Variants in TUFM observed in about 807,000 individuals in gnomAD.
TUFM encodes the protein Tu translation elongation factor, mitochondrial, also known as elongation factor Tu, mitochondrial.
A neutral mutation model predicts 45.0 loss-of-function variants in TUFM; 23 were observed. That is an observed-to-expected ratio of 0.51 (90% confidence interval 0.37 to 0.72). The LOEUF is 0.72. TUFM is among the 30% of genes least tolerant of loss of function. The probability of loss-of-function intolerance (pLI) is 0.00; values close to 1 mark genes in which losing one functional copy is unlikely to be tolerated. For missense variants in TUFM, 490 were observed against 610.7 expected (o/e 0.80, Z 2.08); for synonymous variants, 243 against 252.9 (o/e 0.96, Z 0.37).
At chr16:28,843,927 C>T (rs1392691829) in intron 8 of TUFM, 23 bp downstream of exon 8, 1 of 1,614,044 alleles carries the variant, frequency 6.2e-7, no homozygotes, top group African/African-American at 1.3e-5. Flanking sequence ...TCAACCCTGC[C>T]CACCGTCACC....
Position 28,842,860 on chromosome 16 carries a change from C to G in TUFM, c.*115G>C. 7.3e-7 allele frequency: 1 copy of G among 1,378,892 alleles called. No homozygotes were observed. Among genetic ancestry groups the G allele is most frequent in the Non-Finnish European group, 1.0e-6 (1 of 972,412 alleles). 85.4% of individuals were successfully genotyped at this position (1,378,892 alleles called of 1,614,324 possible). A position where few individuals can be genotyped will look rare whatever the true frequency, so the allele number is the denominator to read the frequency against. ...CCTTCCGAGCAGGGGAAATGTCCAT[C>G]TAGCTGCCCTCTGCTGGGTTGCAGC... On this transcript the variant is annotated 3_prime_UTR_variant, in exon 10 of 10. Transcript: ENST00000313511.
At position 28,842,675 on chromosome 16, in the gene TUFM, A is replaced by C. The variant is rs3088215; in HGVS notation, c.*300T>G. 0.34 allele frequency: 150,338 copies of C among 438,128 alleles called. 27,840 individuals carry two copies. Among genetic ancestry groups the C allele is most frequent in the Admixed American group, 0.43 (12,104 of 28,314 alleles). 27.1% of individuals were successfully genotyped at this position (438,128 alleles called of 1,614,324 possible). On this transcript the variant is annotated 3_prime_UTR_variant, in exon 10 of 10. Transcript: ENST00000313511. ...TCACTAAGCTCACTGGACTTGATTT[A>C]TCCGTTAAAACTGCTCTGGGATCTC...
At position 28,846,235 on chromosome 16, in the gene TUFM, G is replaced by A; in HGVS notation, c.35C>T (p.Ala12Val). 2 of 1,571,376 alleles carry A rather than the reference G, an allele frequency of 1.3e-6. No homozygotes were observed. The highest frequency in any genetic ancestry group is 1.7e-6 in the Non-Finnish European group (2 of 1,158,782). ...CCACTCACCGCTGAAGTGGGGCGTCGCGCGCAGCAGGGTGGCGGCCGCCAT... is the reference window on the plus strand; with the variant it reads ...CCACTCACCGCTGAAGTGGGGCGTCACGCGCAGCAGGGTGGCGGCCGCCAT... ...TTMAAATLLR[A>V]TPHFSGLAAG... Residue 12 changes from alanine (A) to valine (V), a missense_variant, in exon 1 of 10, where the codon GCG becomes GTG. Ala to Val is a moderately conservative substitution (Grantham distance 64). Transcript: ENST00000313511.
intron 3 of TUFM, 39 bp downstream of exon 3, chr16:28,845,275 A>G (rs776674532): frequency 6.2e-7 from 1 of 1,613,784 alleles, no homozygotes; most frequent in East Asian, 2.2e-5. Context: ...GACAAGAGGC[A>G]GCTTCTGGCC....
chr16:28,843,273 A>T (rs1961847185), intron 9 of TUFM, 125 bp from the exon 10 acceptor site: 1 of 1,010,728 alleles, frequency 9.9e-7, no homozygotes, highest in Admixed American at 2.0e-5. Context: ...CTGCCTGGGG[A>T]CAGCTTCATC....
rs947108273 is a variant in TUFM at position 28,846,277 on chromosome 16, C to T, written c.-8G>A. The T allele has an allele frequency of 4.5e-6, 7 of 1,553,914 alleles. No homozygotes were observed. In the African/African-American group the frequency reaches 8.2e-5, roughly 18 times the overall value. ...GGCCGCCATTGTGGTCATACTCGCGCCCCGGTAACCGGGGAGCCGGGACCA... is the reference window on the plus strand; with the variant it reads ...GGCCGCCATTGTGGTCATACTCGCGTCCCGGTAACCGGGGAGCCGGGACCA... On this transcript the variant is annotated 5_prime_UTR_variant, in exon 1 of 10. Coordinates refer to ENST00000313511, the MANE Select transcript of TUFM (RefSeq NM_003321.5).
intron 1 of TUFM, 21 bp from the exon 2 acceptor site, chr16:28,846,127 A>C (rs772630425): frequency 1.2e-6 from 2 of 1,613,116 alleles, no homozygotes; most frequent in Non-Finnish European, 8.5e-7. Context: ...CGAAGCTTGG[A>C]GTCAGGCAGG....
rs1961888229 is a variant in TUFM at position 28,844,730 on chromosome 16, C to T, written c.652G>A (p.Val218Ile). Reference sequence around the variant, plus strand: ...GCACAGAGAGCAGAGCCTACGATGACTGGGGTCTCCTCCCCTTTATAGCCA... The same window carrying T: ...GCACAGAGAGCAGAGCCTACGATGATTGGGGTCTCCTCCCCTTTATAGCCA... Reference protein sequence around the residue: ...EFGYKGEETPVIVGSALCALE... With the variant: ...EFGYKGEETPIIVGSALCALE... The change falls in exon 5 of 10, where the codon GTC becomes ATC. Residue 218 changes from valine to isoleucine, a missense_variant. By Grantham distance (29) the Val-to-Ile change is conservative. Coordinates refer to ENST00000313511, the MANE Select transcript of TUFM (RefSeq NM_003321.5). This position sits in a 1 kb window ranked among gnomAD's most constrained non-coding sequence, Gnocchi z 5.8. The T allele has an allele frequency of 6.2e-7, 1 of 1,614,088 alleles. No homozygotes were observed. The highest frequency in any genetic ancestry group is 8.5e-7 in the Non-Finnish European group (1 of 1,180,056).
Position 28,842,826 on chromosome 16 carries a change from C to T in TUFM, c.*149G>A, listed in dbSNP as rs886051876. On this transcript the variant is annotated 3_prime_UTR_variant, in exon 10 of 10. Coordinates refer to ENST00000313511, the MANE Select transcript of TUFM (RefSeq NM_003321.5). ...AAGTTTACTGACCTCCCCAGCCAGG[C>T]AGGCCAACCCTTCCGAGCAGGGGAA... 4.8e-6 allele frequency: 5 copies of T among 1,046,040 alleles called. No individual in the cohort carries two copies. Among genetic ancestry groups the T allele is most frequent in the Admixed American group, 1.7e-5 (1 of 57,746 alleles). The allele number at this position is 1,046,040 out of a possible 1,614,324, so 64.8% of individuals were successfully genotyped here. A position where few individuals can be genotyped will look rare whatever the true frequency, so the allele number is the denominator to read the frequency against.
rs1464018790 is a variant in TUFM, at chr16:28,844,736, TCTC to T, written c.643_645del (p.Glu215del). On this transcript the variant is annotated inframe_deletion, in exon 5 of 10. Coordinates refer to ENST00000313511, the MANE Select transcript of TUFM (RefSeq NM_003321.5). The surrounding 1 kb of genome is among the most constrained non-coding windows in gnomAD (Gnocchi z 5.8). ...AGAGCAGAGCCTACGATGACTGGGG[TCTC>T]CTCCCCTTTATAGCCAAACTCGGTG... The T allele has an allele frequency of 6.2e-7, 1 of 1,613,972 alleles. No homozygotes were observed. The highest frequency in any genetic ancestry group is 2.2e-5 in the East Asian group (1 of 44,878).
chr16:28,844,426 G>A lies in TUFM; in HGVS notation c.810C>T (p.Ser270=), dbSNP rs528294620. The change falls in exon 6 of 10, where the codon TCC becomes TCT. Residue 270 remains serine, a synonymous_variant. Transcript: ENST00000313511. This position sits in a 1 kb window ranked among gnomAD's most constrained non-coding sequence, Gnocchi z 5.8. ...AACAGACAGAGTCCTCACCAGGGACGGAGTACACCGCCTCCACAGGCAGCA... is the reference window on the plus strand; with the variant it reads ...AACAGACAGAGTCCTCACCAGGGACAGAGTACACCGCCTCCACAGGCAGCA... ...PFLLPVEAVY[S]VPGRGTVVTG... 3.2e-5 allele frequency: 51 copies of A among 1,614,158 alleles called. No homozygotes were observed. In the South Asian group the frequency reaches 4.1e-4, roughly 13 times the overall value.
rs1961834475 is a variant in TUFM, at chr16:28,842,773, C to T, written c.*202G>A. 1.5e-6 allele frequency: 1 copy of T among 685,430 alleles called. No homozygotes were observed. The allele number at this position is 685,430 out of a possible 1,614,324, so 42.5% of individuals were successfully genotyped here. A position where few individuals can be genotyped will look rare whatever the true frequency, so the allele number is the denominator to read the frequency against. ...TATCCTCTCCAATTTGCACAAAGGA[C>T]ACAGGACACAGGCTGGCTTACTATT... is the stretch of plus-strand genomic sequence containing the variant. On this transcript the variant is annotated 3_prime_UTR_variant, in exon 10 of 10. Coordinates refer to ENST00000313511, the MANE Select transcript of TUFM (RefSeq NM_003321.5).
At position 28,842,816 on chromosome 16, in the gene TUFM, C is replaced by T. The variant is rs1232155790; in HGVS notation, c.*159G>A. 4.2e-6 allele frequency: 4 copies of T among 956,300 alleles called. No homozygotes were observed. The highest frequency in any genetic ancestry group is 6.7e-6 in the Non-Finnish European group (4 of 601,482). The allele number at this position is 956,300 out of a possible 1,614,324, so 59.2% of individuals were successfully genotyped here. On this transcript the variant is annotated 3_prime_UTR_variant, in exon 10 of 10. Coordinates refer to ENST00000313511, the MANE Select transcript of TUFM (RefSeq NM_003321.5). ...TTACTATTCAAAGTTTACTGACCTC[C>T]CCAGCCAGGCAGGCCAACCCTTCCG...
chr16:28,844,060 C>T lies in TUFM; in HGVS notation c.964G>A (p.Gly322Arg), dbSNP rs916839726. ...CGGACCAGGGCCCCGAGGTTATCTC[C>T]GGCCTCGGCCCTCTCCAGGCTCTTG... ...FHKSLERAEA[G>R]DNLGALVRGL... The change falls in exon 8 of 10, where the codon GGA becomes AGA. Residue 322 changes from glycine (G) to arginine (R), a missense_variant. Physicochemically the swap from Gly to Arg is moderately radical, Grantham distance 125 (BLOSUM62 -2). Coordinates refer to ENST00000313511, the MANE Select transcript of TUFM (RefSeq NM_003321.5). This position sits in a 1 kb window ranked among gnomAD's most constrained non-coding sequence, Gnocchi z 5.8. The T allele has an allele frequency of 6.2e-6, 10 of 1,614,092 alleles. No homozygotes were observed. Among genetic ancestry groups the T allele is most frequent in the East Asian group, 2.2e-5 (1 of 44,894 alleles).
chr16:28,846,338 G>A lies in TUFM; in HGVS notation c.-69C>T, dbSNP rs950701877. On this transcript the variant is annotated 5_prime_UTR_variant, in exon 1 of 10. Coordinates refer to ENST00000313511, the MANE Select transcript of TUFM (RefSeq NM_003321.5). ...CGCACAGAAGAAGAAGGGCGCCTGCGGCTGGAAGGCACTTCCGGCGGAAGT... is the reference window on the plus strand; with the variant it reads ...CGCACAGAAGAAGAAGGGCGCCTGCAGCTGGAAGGCACTTCCGGCGGAAGT... The A allele has an allele frequency of 2.0e-6, 3 of 1,511,738 alleles. No homozygotes were observed. Among genetic ancestry groups the A allele is most frequent in the Non-Finnish European group, 1.8e-6 (2 of 1,118,246 alleles). 93.6% of individuals were successfully genotyped at this position (1,511,738 alleles called of 1,614,324 possible).
chr16:28,843,561 G>A (rs1961853768), intron 9 of TUFM, among the ~76,000 whole-genome samples, 175 bp downstream of exon 9: 1 of 152,096 alleles, frequency 6.6e-6, no homozygotes, highest in Non-Finnish European at 1.5e-5. Context: ...GAGGACTCCC[G>A]CCCCTAAGTC....
chr16:28,844,014 A>C lies in TUFM; in HGVS notation c.1010T>G (p.Leu337Trp). The C allele has an allele frequency of 6.2e-7, 1 of 1,614,104 alleles. No homozygotes were observed. The highest frequency in any genetic ancestry group is 8.5e-7 in the Non-Finnish European group (1 of 1,180,036). Residue 337 changes from leucine (L) to tryptophan (W), a missense_variant, in exon 8 of 10, where the codon TTG (leucine) becomes TGG (tryptophan). Coordinates refer to ENST00000313511, the MANE Select transcript of TUFM (RefSeq NM_003321.5). This position sits in a 1 kb window ranked among gnomAD's most constrained non-coding sequence, Gnocchi z 5.8. ...ALVRGLKRED[L>W]RRGLVMVKPG... ...CTTGACCATGACCAGGCCCCGCCGC[A>C]AGTCCTCCCGCTTCAAGCCTCGGAC...
Position 28,844,125 on chromosome 16 carries a change from C to T in TUFM, c.923-24G>A, listed in dbSNP as rs758059525. On this transcript the variant is annotated intron_variant, in intron 7 of 9. Coordinates refer to ENST00000313511, the MANE Select transcript of TUFM (RefSeq NM_003321.5). This position sits in a 1 kb window ranked among gnomAD's most constrained non-coding sequence, Gnocchi z 5.8. ...GCCTAGGACGGAAAGGGAAAAGGAG[C>T]AGGGAGAAGGAAGGCGAATGTGAGA... is the stretch of plus-strand genomic sequence containing the variant. 5.6e-6 allele frequency: 9 copies of T among 1,614,136 alleles called. No individual in the cohort carries two copies. Among genetic ancestry groups the T allele is most frequent in the Non-Finnish European group, 7.6e-6 (9 of 1,180,028 alleles).
intron 9 of TUFM, among the ~76,000 whole-genome samples, 172 bp downstream of exon 9, chr16:28,843,564 C>T (rs1398309977): frequency 6.6e-6 from 1 of 152,178 alleles, no homozygotes; most frequent in Non-Finnish European, 1.5e-5. Flanking sequence ...GACTCCCGCC[C>T]CTAAGTCCAT....
Sources: allele counts gnomAD v4.1 joint callset (sites outside exome capture counted in the v4.1 genomes callset), GRCh38; gene constraint gnomAD v4.1.1; non-coding constraint Gnocchi (gnomAD v3.1); transcripts MANE v1.5; gene names NCBI Gene and HGNC (gene_info 2026-07-23, HGNC 2026-07-21).